Variants in ABCC3 observed in about 807,000 individuals in gnomAD.
The protein encoded by ABCC3 is ATP binding cassette subfamily C member 3.
Under a neutral mutation model 165.3 loss-of-function variants are expected in ABCC3, and 121 were observed. The observed-to-expected ratio is 0.73, with a 90% CI of 0.63 to 0.85. ABCC3 has a LOEUF of 0.85. ABCC3 is among the 40% of genes least tolerant of loss of function. The pLI, the probability that ABCC3 is intolerant of heterozygous loss-of-function variation, is 0.00. For missense variants in ABCC3, 1,869 were observed against 1,964.1 expected (o/e 0.95, Z 0.92); for synonymous variants, 733 against 810.1 (o/e 0.90, Z 1.62).
chr17:50,635,242 GAGTGCGCGGCTGGGGCGCAAAGGCAC>G (rs931459164), intron 1 of ABCC3: 8 of 628,656 alleles, frequency 1.3e-5, no homozygotes, highest in African/African-American at 1.1e-4. Context: ...AAGTGAGGAA[GAGTGCGCGGCTGGGGCGCAAAGGCAC>G]AGTGCGTGGC....
At chr17:50,671,400 C>T (rs1315499477) in intron 17 of ABCC3, among the ~76,000 whole-genome samples, 4 of 152,188 alleles carry the variant, frequency 2.6e-5, no homozygotes, top group Admixed American at 2.0e-4. Flanking sequence ...TAAGCAACTC[C>T]TCATTCCCCA....
intron 23 of ABCC3, among the ~76,000 whole-genome samples, chr17:50,676,889 G>A (rs3892688): frequency 5.7e-4 from 5 of 8,782 alleles, no homozygotes; most frequent in African/African-American, 1.5e-3. Flanking sequence ...TTTTTTTTGG[G>A]GGGGGGGGGA....
In ABCC3 at chr17:50,683,691, C is replaced by T. The variant is rs150484971; in HGVS notation, c.3889C>T (p.Arg1297Cys). The change falls in exon 27 of 31, where the codon CGC becomes TGC. Residue 1297 changes from arginine (R) to cysteine (C), a missense_variant. Arg to Cys is a radical substitution (Grantham distance 180). Coordinates refer to ENST00000285238, the MANE Select transcript of ABCC3 (RefSeq NM_003786.4). ...GGTGGAGTTCCGGAATTATTCTGTG[C>T]GCTACCGGCCGGGCCTAGACCTGGT... The part of the protein sequence containing the change: ...GEVEFRNYSV[R>C]YRPGLDLVLR... The T allele has an allele frequency of 4.8e-5, 77 of 1,607,426 alleles. No individual in the cohort carries two copies. The highest frequency in any genetic ancestry group is 6.0e-5 in the Non-Finnish European group (71 of 1,177,224).
intron 11 of ABCC3, among the ~76,000 whole-genome samples, chr17:50,666,490 C>T (rs1967530398): frequency 6.6e-6 from 1 of 152,184 alleles, no homozygotes; most frequent in African/African-American, 2.4e-5. Context: ...AAGTCACTTC[C>T]TCCAGAAGTC....
intron 26 of ABCC3, 138 bp from the exon 27 acceptor site, chr17:50,683,466 CACAAGG>C: frequency 1.2e-6 from 1 of 864,616 alleles, no homozygotes; most frequent in Non-Finnish European, 1.6e-6. Context: ...AGTCATTGAA[CACAAGG>C]CTGAGCCACA....
At chr17:50,650,925 C>T (rs1041747511) in intron 1 of ABCC3, among the ~76,000 whole-genome samples, 13 of 151,892 alleles carry the variant, frequency 8.6e-5, no homozygotes, top group Non-Finnish European at 1.9e-4. Flanking sequence ...ATTGGCTGGG[C>T]GTGGTGGCGG....
chr17:50,668,823 C>G lies in ABCC3; in HGVS notation c.1871-30C>G, dbSNP rs573566031. On this transcript the variant is annotated intron_variant, in intron 14 of 30. Transcript: ENST00000285238. ...GGCTACCCCATCCCTTGAGCTCCCT[C>G]CCTGACCCTGCCCACCTTGGTCCTC... 8.7e-6 allele frequency: 14 copies of G among 1,608,782 alleles called. No individual in the cohort carries two copies. The East Asian group carries it at 3.1e-4, about 36-fold the overall frequency.
intron 21 of ABCC3, 52 bp downstream of exon 21, chr17:50,675,827 C>T (rs1198564092): frequency 6.2e-7 from 1 of 1,600,648 alleles, no homozygotes; most frequent in South Asian, 1.1e-5. Context: ...CAGGCCCCAG[C>T]AGCCCCAGGG....
chr17:50,674,595 C>G (rs1363328487), intron 19 of ABCC3: 1 of 152,218 alleles, frequency 6.6e-6, no homozygotes, highest in Non-Finnish European at 1.5e-5. Flanking sequence ...TTGTTGACGT[C>G]TCTGGGCTCA....
rs779268222 is a variant in ABCC3, at chr17:50,676,445, G to C, written c.3235G>C (p.Val1079Leu). Residue 1079 changes from valine to leucine, a missense_variant, in exon 23 of 31, where the codon GTT becomes CTT. Val to Leu is a conservative substitution (Grantham distance 32). Transcript: ENST00000285238. Reference protein sequence around the residue: ...LNCFSKDIYVVDEVLAPVILM... With the variant: ...LNCFSKDIYVLDEVLAPVILM... The stretch of plus-strand genomic sequence containing the variant: ...CTGCTTCTCCAAGGACATCTATGTC[G>C]TTGATGAGGTTCTGGCCCCTGTCAT... 1.9e-6 allele frequency: 3 copies of C among 1,614,060 alleles called. No homozygotes were observed. The Admixed American group carries it at 5.0e-5, about 27-fold the overall frequency.
At chr17:50,641,575 C>G (rs1966892826) in intron 1 of ABCC3, among the ~76,000 whole-genome samples, 2 of 152,162 alleles carry the variant, frequency 1.3e-5, no homozygotes, top group Admixed American at 6.5e-5. Context: ...GGAGTTGGCA[C>G]CCTCCATTTA....
intron 4 of ABCC3, among the ~76,000 whole-genome samples, chr17:50,657,838 C>T (rs1967287390): frequency 6.6e-6 from 1 of 152,212 alleles, no homozygotes; most frequent in Non-Finnish European, 1.5e-5. Context: ...CCCAGTTAGA[C>T]AAGGTCATGT....
intron 1 of ABCC3, among the ~76,000 whole-genome samples, chr17:50,648,039 A>G (rs1967037526): frequency 6.6e-6 from 1 of 151,338 alleles, no homozygotes; most frequent in African/African-American, 2.4e-5. Flanking sequence ...ACTCTGCCCA[A>G]AAGAAAAAAA....
Position 50,676,087 on chromosome 17 carries a change from C to T in ABCC3, c.3064C>T (p.Gln1022Ter). 1 of 1,614,098 alleles carries T rather than the reference C, an allele frequency of 6.2e-7. No individual in the cohort carries two copies. Among genetic ancestry groups the T allele is most frequent in the Non-Finnish European group, 8.5e-7 (1 of 1,180,004 alleles). The change falls in exon 22 of 31, where the codon CAA (glutamine) becomes TAA (stop). Residue 1022 changes from glutamine to a stop codon, truncating the protein, a stop_gained. Coordinates refer to ENST00000285238, the MANE Select transcript of ABCC3 (RefSeq NM_003786.4). LOFTEE classifies it high-confidence loss of function. ...CGTCTATGCTGCTTTAGGAATTCTG[C>T]AAGGTGAGCTTGTGGGGGTGTCCAG... ...LGVYAALGIL[Q>*]GFLVMLAAMA...
chr17:50,675,848 C>T (rs572706797), intron 21 of ABCC3, 35 bp from the exon 22 acceptor site: 2 of 1,611,368 alleles, frequency 1.2e-6, no homozygotes, highest in African/African-American at 2.7e-5. Flanking sequence ...TTTATGGAGT[C>T]CCCTGTCCCT....
At position 50,659,228 on chromosome 17, in the gene ABCC3, TC is replaced by T. The variant is rs1250029019; in HGVS notation, c.675-3del. ...GCGGGGCTGCCTGCCGGGCTTCACC[TC>T]CCCCCAGGATGGCCATCTATGGCTA... On this transcript the variant is annotated splice_region_variant and splice_polypyrimidine_tract_variant and intron_variant, in intron 6 of 30. Transcript: ENST00000285238. 1 of 1,612,046 alleles carries T rather than the reference TC, an allele frequency of 6.2e-7. No homozygotes were observed. Among genetic ancestry groups the T allele is most frequent in the Non-Finnish European group, 8.5e-7 (1 of 1,178,954 alleles).
intron 17 of ABCC3, among the ~76,000 whole-genome samples, chr17:50,671,352 A>T (rs1967642914): frequency 6.6e-6 from 1 of 152,144 alleles, no homozygotes; most frequent in South Asian, 2.1e-4. Context: ...ACCGATCTCC[A>T]GAACCTTTTC....
rs757377593 is a variant in ABCC3 at position 50,684,068 on chromosome 17, C to T, written c.4074C>T (p.Gly1358=). The change falls in exon 28 of 31, where the codon GGC becomes GGT. Residue 1358 remains glycine (G), a synonymous_variant. Transcript: ENST00000285238. The stretch of plus-strand genomic sequence containing the variant: ...ATGGCCTCAATGTGGCAGACATCGG[C>T]CTCCATGACCTGCGCTCTCAGCTGA... The part of the protein sequence containing the change: ...RIDGLNVADI[G]LHDLRSQLTI... The T allele has an allele frequency of 6.2e-7, 1 of 1,613,364 alleles. No homozygotes were observed. Among genetic ancestry groups the T allele is most frequent in the East Asian group, 2.2e-5 (1 of 44,834 alleles).
chr17:50,668,742 C>T, intron 14 of ABCC3, 111 bp from the exon 15 acceptor site: 1 of 928,654 alleles, frequency 1.1e-6, no homozygotes, highest in East Asian at 2.5e-5. Context: ...GATCCCCTCC[C>T]CATGGCCCAG....
Sources: allele counts gnomAD v4.1 joint callset (sites outside exome capture counted in the v4.1 genomes callset), GRCh38; gene constraint gnomAD v4.1.1; transcripts MANE v1.5; gene names NCBI Gene and HGNC (gene_info 2026-07-23, HGNC 2026-07-21).